Variants in SH2D4B observed in about 807,000 individuals in gnomAD.
SH2D4B encodes SH2 domain containing 4B.
A neutral mutation model predicts 61.5 loss-of-function variants in SH2D4B; 45 were observed. That is an observed-to-expected ratio of 0.73 (90% CI 0.58 to 0.94). SH2D4B has a LOEUF of 0.94. SH2D4B is among the 40% of genes least tolerant of loss of function. The pLI is 0.00. For missense variants in SH2D4B, 572 were observed against 574.2 expected, an observed-to-expected ratio of 1.00 and a Z score of 0.04; for synonymous variants, 224 against 220.4, an observed-to-expected ratio of 1.02 and a Z score of -0.14.
At chr10:80,622,386 T>G (rs1842725211) in intron 6 of SH2D4B, among the ~76,000 whole-genome samples, 1 of 152,236 alleles carries the variant, frequency 6.6e-6, no homozygotes, top group Non-Finnish European at 1.5e-5. Context: ...TGGCTAAGTT[T>G]TACATGAAAT....
At chr10:80,562,623 C>G (rs1223159957) in intron 1 of SH2D4B, among the ~76,000 whole-genome samples, 1 of 152,156 alleles carries the variant, frequency 6.6e-6, no homozygotes, top group African/African-American at 2.4e-5. Flanking sequence ...GATTTCATTT[C>G]CTCTGGATAT....
chr10:80,551,735 C>A (rs1841763711), intron 1 of SH2D4B, among the ~76,000 whole-genome samples: 1 of 152,252 alleles, frequency 6.6e-6, no homozygotes, highest in South Asian at 2.1e-4. Flanking sequence ...GAGTGAGACA[C>A]ACAGCGGGAC....
At chr10:80,567,327 A>G (rs1415614871) in intron 1 of SH2D4B, among the ~76,000 whole-genome samples, 3 of 152,220 alleles carry the variant, frequency 2.0e-5, no homozygotes, top group Non-Finnish European at 4.4e-5. Context: ...AGGAAGAGAC[A>G]TAGGGTGGTG....
At chr10:80,543,930 G>A (rs1841626765) in intron 1 of SH2D4B, among the ~76,000 whole-genome samples, 1 of 152,016 alleles carries the variant, frequency 6.6e-6, no homozygotes, top group South Asian at 2.1e-4. Flanking sequence ...CTAGCTCAGG[G>A]ATTGTAAACA....
At chr10:80,570,026 T>A in intron 1 of SH2D4B, 128 bp from the exon 2 acceptor site, 1 of 1,176,656 alleles carries the variant, frequency 8.5e-7, no homozygotes, top group Non-Finnish European at 1.2e-6. Context: ...AGTGTCTCTC[T>A]GGCATTCTTT....
intron 3 of SH2D4B, among the ~76,000 whole-genome samples, chr10:80,583,541 G>A (rs981622639): frequency 1.3e-5 from 2 of 151,884 alleles, no homozygotes; most frequent in Non-Finnish European, 2.9e-5. Flanking sequence ...GGTGGCATGC[G>A]CGCCTGTAAT....
intron 1 of SH2D4B, among the ~76,000 whole-genome samples, chr10:80,567,863 C>A (rs1841990617): frequency 6.6e-6 from 1 of 152,170 alleles, no homozygotes; most frequent in Non-Finnish European, 1.5e-5. Flanking sequence ...ACTTGGATGC[C>A]CAAGGGCCAT....
chr10:80,549,229 G>GTA (rs1416143266), intron 1 of SH2D4B, among the ~76,000 whole-genome samples: 1 of 151,790 alleles, frequency 6.6e-6, no homozygotes, highest in East Asian at 1.9e-4. Flanking sequence ...GTGTGTGTGT[G>GTA]TGTGTGTGTG....
chr10:80,628,037 G>T (rs563141883), intron 6 of SH2D4B, among the ~76,000 whole-genome samples: 21 of 152,334 alleles, frequency 1.4e-4, no homozygotes, highest in African/African-American at 4.8e-4. Context: ...TAGCTCCCCA[G>T]CTGGAAGGGG....
chr10:80,628,832 C>G (rs192858758), intron 6 of SH2D4B, among the ~76,000 whole-genome samples: 49 of 152,012 alleles, frequency 3.2e-4, no homozygotes, highest in African/African-American at 1.2e-3. Context: ...TTGACCACCA[C>G]CAGCTTGACC....
chr10:80,587,946 G>C (rs1842279730), intron 3 of SH2D4B, among the ~76,000 whole-genome samples: 1 of 152,174 alleles, frequency 6.6e-6, no homozygotes, highest in African/African-American at 2.4e-5. Context: ...TGGCTGTGTA[G>C]TATTCTGTGG....
At chr10:80,549,097 G>T (rs1226070600) in intron 1 of SH2D4B, among the ~76,000 whole-genome samples, 1 of 152,160 alleles carries the variant, frequency 6.6e-6, no homozygotes, top group Admixed American at 6.5e-5. Flanking sequence ...ACAGCCTGTG[G>T]CCTGGGACTC....
At chr10:80,544,202 G>A (rs1414941954) in intron 1 of SH2D4B, among the ~76,000 whole-genome samples, 1 of 152,118 alleles carries the variant, frequency 6.6e-6, no homozygotes, top group Non-Finnish European at 1.5e-5. Flanking sequence ...CAGCAAGACC[G>A]CGAGCCCACG....
At chr10:80,596,611 G>T (rs561972089) in intron 4 of SH2D4B, among the ~76,000 whole-genome samples, 1 of 152,338 alleles carries the variant, frequency 6.6e-6, no homozygotes, top group Admixed American at 6.5e-5. Context: ...CCATGCACAG[G>T]TAGTTCCTCA....
chr10:80,573,560 G>T (rs1000006326), intron 3 of SH2D4B, among the ~76,000 whole-genome samples: 6 of 152,240 alleles, frequency 3.9e-5, no homozygotes, highest in Middle Eastern at 3.4e-3. Flanking sequence ...GCAGCCAGTA[G>T]TCCCCATATT....
intron 1 of SH2D4B, among the ~76,000 whole-genome samples, chr10:80,544,197 A>G (rs576545549): frequency 6.6e-6 from 1 of 152,242 alleles, no homozygotes; most frequent in South Asian, 2.1e-4. Flanking sequence ...GAAGCCAGCA[A>G]GACCGCGAGC....
intron 5 of SH2D4B, among the ~76,000 whole-genome samples, chr10:80,606,914 G>C (rs1197007903): frequency 6.6e-6 from 1 of 152,124 alleles, no homozygotes; most frequent in Non-Finnish European, 1.5e-5. Flanking sequence ...CAATGTAATT[G>C]TTTACAGTGA....
rs189923610 is a variant in SH2D4B at position 80,584,201 on chromosome 10, A to T, written c.496-4429A>T. Reference sequence around the variant, plus strand: ...GTGTTAAATGCTGCTGCAAAATGGCAGAGTGGTCAAGAAAGAAACAGGGGC... The same window carrying T: ...GTGTTAAATGCTGCTGCAAAATGGCTGAGTGGTCAAGAAAGAAACAGGGGC... On this transcript the variant is annotated intron_variant, in intron 3 of 7. Coordinates refer to ENST00000646907, the MANE Select transcript of SH2D4B (RefSeq NM_001388272.1). Among the ~76,000 whole-genome samples, 184 of 152,366 alleles carry T rather than the reference A, an allele frequency of 1.2e-3. 5 individuals are homozygous for T. Among genetic ancestry groups the T allele is most frequent in the Admixed American group, 0.011 (164 of 15,306 alleles).
chr10:80,609,938 A>G (rs1276690800), intron 6 of SH2D4B, among the ~76,000 whole-genome samples: 1 of 152,170 alleles, frequency 6.6e-6, no homozygotes, highest in East Asian at 1.9e-4. Flanking sequence ...CTCTGGGTAC[A>G]TACTTGTTGA....
Sources: gnomAD v4.1 joint callset for allele counts (sites outside exome capture counted in the v4.1 genomes callset) on GRCh38, gnomAD v4.1.1 for gene constraint, MANE v1.5 for transcripts, NCBI Gene and HGNC (gene_info 2026-07-23, HGNC 2026-07-21) for gene names.